RS1: variants seen among roughly 807,000 people sequenced by gnomAD.
RS1 encodes the protein retinoschisin 1, also known as retinoschisin.
In RS1, 2 loss-of-function variants were observed where a neutral mutation model predicts 20.8. The observed-to-expected ratio is 0.10, with a 90% CI of 0.04 to 0.30. RS1 has a LOEUF of 0.30. Ranked by LOEUF, RS1 falls within the 10% of genes least tolerant of loss-of-function variation. RS1 has a pLI of 1.00. For missense variants in RS1, 151 were observed against 189.8 expected (o/e 0.80, Z 1.20); for synonymous variants, 70 against 75.8 (o/e 0.92, Z 0.40).
rs61752061 is a variant in RS1, at chrX:18,647,250, A to G, written c.267T>C (p.Tyr89=). 5 of 1,208,352 alleles carry G rather than the reference A, an allele frequency of 4.1e-6. No individual in the cohort carries two copies. Among genetic ancestry groups the G allele is most frequent in the Non-Finnish European group, 4.5e-6 (4 of 894,673 alleles). The change falls in exon 4 of 6, where the codon TAT becomes TAC. Residue 89 remains tyrosine (Y), a synonymous_variant. Coordinates refer to ENST00000379984, the MANE Select transcript of RS1 (RefSeq NM_000330.4). ...DQITCSNPEQ[Y]VGWYSSWTAN... The stretch of plus-strand genomic sequence containing the variant: ...CAGTCCACGAAGAATACCAGCCCAC[A>G]TACTGCTCCGGGTTAGAGCAGGTGA...
intron 2 of RS1, 94 bp from the exon 3 acceptor site, chrX:18,656,852 G>T (rs754490742): frequency 1.5e-6 from 1 of 680,486 alleles, no homozygotes; most frequent in Non-Finnish European, 2.4e-6. Flanking sequence ...CTTATGCATC[G>T]TCTATAGCAG....
rs747107504 is a variant in RS1, at chrX:18,657,643, G to C, written c.75C>G (p.Thr25=). The C allele has an allele frequency of 8.3e-7, 1 of 1,199,921 alleles. No homozygotes were observed. The highest frequency in any genetic ancestry group is 1.8e-5 in the South Asian group (1 of 56,697). Residue 25 remains threonine, a synonymous_variant, in exon 2 of 6, where the codon ACC becomes ACG. Transcript: ENST00000379984. ...CAGCCTTCTTACTGTTACATACCTC[G>C]GTAGACGATAATCCCAATGTGGCTA... ...GYEATLGLSS[T]EDEGEDPWYQ... is the part of the protein sequence containing the mutation.
intron 1 of RS1, among the ~76,000 whole-genome samples, chrX:18,671,037 T>TA (rs1928484097): frequency 1.8e-5 from 2 of 111,783 alleles, no homozygotes; most frequent in East Asian, 2.8e-4. Context: ...TGCGTGCCTG[T>TA]AGTCCCAGCT....
chrX:18,669,077 A>G (rs924878148), intron 1 of RS1, among the ~76,000 whole-genome samples: 2 of 112,048 alleles, frequency 1.8e-5, no homozygotes, highest in Non-Finnish European at 3.8e-5. Context: ...TTGTTTTTAT[A>G]TAATAAACAT....
chrX:18,666,857 T>C (rs1254237489), intron 1 of RS1, among the ~76,000 whole-genome samples: 1 of 110,528 alleles, frequency 9.0e-6, no homozygotes, highest in African/African-American at 3.3e-5. Context: ...AGAGCTGCCA[T>C]TTGCGGGGCG....
At chrX:18,658,408 C>G (rs1162279939) in intron 1 of RS1, among the ~76,000 whole-genome samples, 1 of 110,821 alleles carries the variant, frequency 9.0e-6, no homozygotes, top group African/African-American at 3.3e-5. Flanking sequence ...TCCTGCTTTC[C>G]CTTTCATTTA....
chrX:18,658,780 T>TCA (rs1928263769), intron 1 of RS1, among the ~76,000 whole-genome samples: 27 of 103,849 alleles, frequency 2.6e-4, no homozygotes, highest in Non-Finnish European at 4.7e-4. Context: ...TTATTAAATC[T>TCA]TCATCATCAT....
chrX:18,642,001 G>A lies in RS1; in HGVS notation c.*3C>T, dbSNP rs1800005. ...CCTGGCAGGCGCCGAGCTGAGGCAG[G>A]CATCAGGCACACTTGCTGACGCACT... is the stretch of plus-strand genomic sequence containing the variant. On this transcript the variant is annotated 3_prime_UTR_variant, in exon 6 of 6. Coordinates refer to ENST00000379984, the MANE Select transcript of RS1 (RefSeq NM_000330.4). 4.1e-6 allele frequency: 5 copies of A among 1,211,189 alleles called. No homozygotes were observed. The highest frequency in any genetic ancestry group is 5.6e-6 in the Non-Finnish European group (5 of 895,467).
At chrX:18,643,945 G>A (rs972803334) in intron 5 of RS1, among the ~76,000 whole-genome samples, 6 of 111,209 alleles carry the variant, frequency 5.4e-5, no homozygotes, top group African/African-American at 9.8e-5. Flanking sequence ...GTTTAAGTTC[G>A]TCTGTGTTTG....
In RS1 at chrX:18,644,547, C is replaced by G; in HGVS notation, c.405G>C (p.Gly135=). The G allele has an allele frequency of 8.3e-7, 1 of 1,211,543 alleles. No homozygotes were observed. Among genetic ancestry groups the G allele is most frequent in the Non-Finnish European group, 1.1e-6 (1 of 895,276 alleles). Residue 135 remains glycine (G), a synonymous_variant, in exon 5 of 6, where the codon GGG becomes GGC. Coordinates refer to ENST00000379984, the MANE Select transcript of RS1 (RefSeq NM_000330.4). ...TGTCACAGCGCCCCTGGGTGAGGAT[C>G]CCTGAAATCACTTTGATCTCCTTCA... ...IDLKEIKVIS[G]ILTQGRCDID...
chrX:18,668,830 G>A (rs1038397419), intron 1 of RS1, among the ~76,000 whole-genome samples: 1 of 112,126 alleles, frequency 8.9e-6, no homozygotes, highest in Non-Finnish European at 1.9e-5. Context: ...GGCTGGGGGA[G>A]GGGGGAGACA....
At chrX:18,651,636 C>T (rs1038305843) in intron 3 of RS1, among the ~76,000 whole-genome samples, 13 of 111,280 alleles carry the variant, frequency 1.2e-4, no homozygotes, top group African/African-American at 2.0e-4. Context: ...AGCCTGCCCT[C>T]GCAAGCTCGT....
In RS1 at chrX:18,653,336, C is replaced by T. The variant is rs563894568; in HGVS notation, c.184+3317G>A. 2.4e-4 allele frequency: 279 copies of T among 1,160,921 alleles called. No individual in the cohort carries two copies. In the South Asian group the frequency reaches 5.0e-3, roughly 21 times the overall value. ...ATTAGGAGGCCAGAATGCATGTGGC[C>T]TTCTGCTCCGTGGGGGGCCCGGGCA... On this transcript the variant is annotated intron_variant, in intron 3 of 5. Transcript: ENST00000379984.
At chrX:18,656,421 T>TTG (rs921372857) in intron 3 of RS1, among the ~76,000 whole-genome samples, 5 of 112,199 alleles carry the variant, frequency 4.5e-5, no homozygotes, top group Non-Finnish European at 9.4e-5. Flanking sequence ...ACGCCATGTG[T>TTG]TGAAGCAGGG....
At chrX:18,653,335 CCTT>C in intron 3 of RS1, 1 of 1,162,514 alleles carries the variant, frequency 8.6e-7, no homozygotes, top group Non-Finnish European at 1.1e-6. Context: ...ATGCATGTGG[CCTT>C]CTGCTCCGTG....
In RS1 at chrX:18,672,033, A is replaced by T. The variant is rs1206022831; in HGVS notation, c.36T>A (p.Leu12=). 22 of 1,208,561 alleles carry T rather than the reference A, an allele frequency of 1.8e-5. No individual in the cohort carries two copies. Among genetic ancestry groups the T allele is most frequent in the Non-Finnish European group, 2.2e-5 (20 of 894,089 alleles). The change falls in exon 1 of 6, where the codon CTT becomes CTA. Residue 12 remains leucine (L), a synonymous_variant. Coordinates refer to ENST00000379984, the MANE Select transcript of RS1 (RefSeq NM_000330.4). ...AGCACATACCTTCATAGCCAAAGAG[A>T]AGTAATAACAAAAAGCCTTCTATCT... ...SRKIEGFLLL[L]LFGYEATLGL...
chrX:18,645,689 G>A (rs1602311409), intron 4 of RS1, among the ~76,000 whole-genome samples: 1 of 111,133 alleles, frequency 9.0e-6, no homozygotes, highest in East Asian at 2.8e-4. Context: ...GGCCCCACAG[G>A]AACCAGAGAA....
At chrX:18,668,342 C>T (rs1928437000) in intron 1 of RS1, among the ~76,000 whole-genome samples, 2 of 112,054 alleles carry the variant, frequency 1.8e-5, no homozygotes, top group African/African-American at 3.2e-5. Flanking sequence ...AATTTCAAGG[C>T]GTGTCTATTT....
At chrX:18,651,258 T>A (rs1238936393) in intron 3 of RS1, among the ~76,000 whole-genome samples, 78 of 97,196 alleles carry the variant, frequency 8.0e-4, no homozygotes, top group African/African-American at 3.0e-3. Flanking sequence ...TGTGTGTGTG[T>A]GTGTGTGAGA....
Sources: allele counts gnomAD v4.1 joint callset (sites outside exome capture counted in the v4.1 genomes callset), GRCh38; gene constraint gnomAD v4.1.1; transcripts MANE v1.5; gene names NCBI Gene and HGNC (gene_info 2026-07-23, HGNC 2026-07-21).